R3HCC1L: variants seen among roughly 807,000 people sequenced by gnomAD.
R3HCC1L encodes the protein coiled-coil domain-containing protein R3HCC1L.
R3HCC1L carries 51 observed loss-of-function variants against 59.9 expected under a neutral mutation model. The ratio of observed to expected loss-of-function variants is 0.85; its 90% confidence interval spans 0.68 to 1.07. The LOEUF is 1.07. Ranked by LOEUF, R3HCC1L falls within the 50% of genes least tolerant of loss-of-function variation. The pLI is 0.00. For synonymous variants in R3HCC1L, 322 were observed against 315.2 expected, an observed-to-expected ratio of 1.02 and a Z score of -0.23; for missense variants, 965 against 933.0, an observed-to-expected ratio of 1.03 and a Z score of -0.45.
At chr10:98,171,781 C>T (rs1180489842) in intron 4 of R3HCC1L, among the ~76,000 whole-genome samples, 1 of 152,086 alleles carries the variant, frequency 6.6e-6, no homozygotes, top group Non-Finnish European at 1.5e-5. Flanking sequence ...AACTTTGACA[C>T]AACATTCGAT....
intron 4 of R3HCC1L, among the ~76,000 whole-genome samples, chr10:98,169,697 A>G (rs1162995490): frequency 6.6e-6 from 1 of 152,194 alleles, no homozygotes; most frequent in Admixed American, 6.5e-5. Context: ...CTATAAAAAG[A>G]CTTTTTAAAA....
In R3HCC1L at chr10:98,160,609, T is replaced by C. The variant is rs143710564; in HGVS notation, c.-212-2274T>C. 5.6e-3 allele frequency among the ~76,000 whole-genome samples: 858 copies of C among 152,356 alleles called. 6 individuals are homozygous for C. The highest frequency in any genetic ancestry group is 0.017 in the African/African-American group (727 of 41,596). On this transcript the variant is annotated intron_variant, in intron 2 of 9. Transcript: ENST00000298999. ...CTTTCCCTTCTCCCTGGGGTTATGT[T>C]ACTCATTTGAAATACAGTGTACTTC...
chr10:98,234,182 T>C (rs1297466179), intron 6 of R3HCC1L, among the ~76,000 whole-genome samples: 1 of 152,198 alleles, frequency 6.6e-6, no homozygotes, highest in African/African-American at 2.4e-5. Flanking sequence ...CCCAAGGGAC[T>C]TGTGAGGATT....
At chr10:98,216,023 G>C (rs1854157861) in intron 5 of R3HCC1L, among the ~76,000 whole-genome samples, 1 of 152,118 alleles carries the variant, frequency 6.6e-6, no homozygotes, top group Non-Finnish European at 1.5e-5. Context: ...GTGAAAAACA[G>C]AATCAGAATC....
At position 98,244,510 on chromosome 10, in the gene R3HCC1L, C is replaced by T. The variant is rs879013684; in HGVS notation, c.*352C>T. The T allele has an allele frequency of 2.5e-5, 5 of 198,300 alleles. No individual in the cohort carries two copies. Among genetic ancestry groups the T allele is most frequent in the South Asian group, 9.9e-5 (1 of 10,106 alleles). 12.3% of individuals were successfully genotyped at this position (198,300 alleles called of 1,614,324 possible). A position where few individuals can be genotyped will look rare whatever the true frequency, so the allele number is the denominator to read the frequency against. On this transcript the variant is annotated 3_prime_UTR_variant, in exon 10 of 10. Transcript: ENST00000298999. ...ACAAAACAGAACAGAGGATTCAAAC[C>T]GCAAGTATGGGAGATTTAGGCCCTG...
intron 4 of R3HCC1L, among the ~76,000 whole-genome samples, chr10:98,197,676 A>G (rs947729267): frequency 2.0e-5 from 3 of 152,204 alleles, no homozygotes; most frequent in Non-Finnish European, 4.4e-5. Flanking sequence ...ATGCAGTGCA[A>G]TGGCATTGTA....
At chr10:98,182,982 C>A (rs61875277) in intron 4 of R3HCC1L, among the ~76,000 whole-genome samples, 1 of 152,042 alleles carries the variant, frequency 6.6e-6, no homozygotes, top group Admixed American at 6.5e-5. Flanking sequence ...ATCCCCTGAC[C>A]GCTTGCGCTT....
intron 1 of R3HCC1L, among the ~76,000 whole-genome samples, chr10:98,152,262 T>G (rs949825365): frequency 6.6e-6 from 1 of 152,210 alleles, no homozygotes; most frequent in Non-Finnish European, 1.5e-5. Flanking sequence ...GTGCTCAATG[T>G]TGCCCAGGCT....
chr10:98,213,771 A>AT, intron 5 of R3HCC1L, among the ~76,000 whole-genome samples: 1 of 152,174 alleles, frequency 6.6e-6, no homozygotes, highest in East Asian at 1.9e-4. Context: ...TGTCGTTCTA[A>AT]TTTTTTTCAC....
At chr10:98,229,327 A>G (rs1329587492) in intron 5 of R3HCC1L, among the ~76,000 whole-genome samples, 1 of 151,940 alleles carries the variant, frequency 6.6e-6, no homozygotes, top group East Asian at 1.9e-4. Context: ...GTTCCTGGGT[A>G]TTTTATTCTC....
intron 4 of R3HCC1L, among the ~76,000 whole-genome samples, chr10:98,184,217 A>G (rs1262822613): frequency 6.6e-6 from 1 of 152,062 alleles, no homozygotes; most frequent in Non-Finnish European, 1.5e-5. Flanking sequence ...CCTCAGCTTT[A>G]GGTCTTCCCT....
intron 1 of R3HCC1L, among the ~76,000 whole-genome samples, chr10:98,144,190 ATATT>A (rs751820772): frequency 1.3e-5 from 2 of 152,034 alleles, no homozygotes; most frequent in African/African-American, 2.4e-5. Flanking sequence ...CTGGGCAGTA[ATATT>A]TATTTATTTA....
intron 1 of R3HCC1L, among the ~76,000 whole-genome samples, chr10:98,137,935 T>A (rs1444510112): frequency 6.6e-6 from 1 of 151,678 alleles, no homozygotes; most frequent in Non-Finnish European, 1.5e-5. Context: ...AAATTTAAGC[T>A]TATTGGATAG....
At chr10:98,241,367 C>T (rs1043088209) in intron 9 of R3HCC1L, among the ~76,000 whole-genome samples, 10 of 151,996 alleles carry the variant, frequency 6.6e-5, no homozygotes, top group South Asian at 4.1e-4. Context: ...CAATCTTCAA[C>T]GCTTTACATT....
chr10:98,174,034 G>T (rs1848766995), intron 4 of R3HCC1L, among the ~76,000 whole-genome samples: 1 of 152,158 alleles, frequency 6.6e-6, no homozygotes, highest in Non-Finnish European at 1.5e-5. Context: ...TTTAAAAAGA[G>T]GAGATAGAAC....
At chr10:98,172,385 T>G (rs1848598721) in intron 4 of R3HCC1L, among the ~76,000 whole-genome samples, 1 of 152,216 alleles carries the variant, frequency 6.6e-6, no homozygotes, top group Non-Finnish European at 1.5e-5. Context: ...GTAACATTTT[T>G]AGCGTGGTTC....
chr10:98,206,720 C>T (rs1852716961), intron 4 of R3HCC1L, among the ~76,000 whole-genome samples: 1 of 152,132 alleles, frequency 6.6e-6, no homozygotes, highest in Non-Finnish European at 1.5e-5. Context: ...AGATGTTTTA[C>T]TTACTGTAAT....
intron 1 of R3HCC1L, among the ~76,000 whole-genome samples, chr10:98,138,961 T>G (rs999498760): frequency 6.6e-6 from 1 of 152,226 alleles, no homozygotes; most frequent in Non-Finnish European, 1.5e-5. Context: ...GTTATTACTA[T>G]TTTTAATTTT....
intron 2 of R3HCC1L, among the ~76,000 whole-genome samples, chr10:98,162,007 G>C (rs1374292724): frequency 6.6e-6 from 1 of 152,052 alleles, no homozygotes; most frequent in African/African-American, 2.4e-5. Flanking sequence ...TTCTGTCCAA[G>C]AACAAAGAAT....
Sources: gnomAD v4.1 joint callset for allele counts (sites outside exome capture counted in the v4.1 genomes callset) on GRCh38, gnomAD v4.1.1 for gene constraint, MANE v1.5 for transcripts, NCBI Gene and HGNC (gene_info 2026-07-23, HGNC 2026-07-21) for gene names.